The following RIPOR2 variants were observed in gnomAD, a reference collection of about 807,000 sequenced individuals.
RIPOR2 encodes rho family-interacting cell polarization regulator 2.
Under a neutral mutation model 114.5 loss-of-function variants are expected in RIPOR2, and 39 were observed. The observed-to-expected ratio is 0.34, with a 90% CI of 0.26 to 0.44. The LOEUF (loss-of-function observed/expected upper bound fraction) is 0.44. RIPOR2 is among the 20% of genes least tolerant of loss of function. The probability of loss-of-function intolerance (pLI) is 1.00; values close to 1 mark genes in which losing one functional copy is unlikely to be tolerated. For synonymous variants in RIPOR2, 445 were observed against 484.4 expected (o/e 0.92, Z 1.07); for missense variants, 1,007 against 1,255.1 (o/e 0.80, Z 2.99).
At position 24,865,208 on chromosome 6, in the gene RIPOR2, G is replaced by A. The variant is rs865959518; in HGVS notation, c.651+93C>T. 1.1e-4 allele frequency: 114 copies of A among 1,047,532 alleles called. No homozygotes were observed. In the African/African-American group the frequency reaches 1.5e-3, roughly 14 times the overall value. 64.9% of individuals were successfully genotyped at this position (1,047,532 alleles called of 1,614,324 possible). ...TCTTTCTAGAGGGTGGAATGAGGTT[G>A]TGGGTTGCTGTTTGCCTTGTTCTTG... is the stretch of plus-strand genomic sequence containing the variant. On this transcript the variant is annotated intron_variant, in intron 7 of 21. Coordinates refer to ENST00000643898, the MANE Select transcript of RIPOR2 (RefSeq NM_001286445.3).
chr6:24,847,825 T>G, intron 12 of RIPOR2, 200 bp downstream of exon 12: 3 of 1,159,940 alleles, frequency 2.6e-6, no homozygotes, highest in East Asian at 5.2e-5. Context: ...AAGGCTGATC[T>G]TAGAGAATGT....
At chr6:24,840,387 C>T in intron 13 of RIPOR2, 1 of 1,161,296 alleles carries the variant, frequency 8.6e-7, no homozygotes, top group Non-Finnish European at 1.1e-6. Context: ...ATCATGGGAG[C>T]AATCCCATTC....
At chr6:24,852,639 G>T (rs1763075131) in intron 8 of RIPOR2, 21 bp from the exon 9 acceptor site, 4 of 1,579,164 alleles carry the variant, frequency 2.5e-6, no homozygotes, top group Non-Finnish European at 3.4e-6. Context: ...GAAATTGGAA[G>T]GTGAGGTGTA....
chr6:24,877,743 C>T (rs1429510101), intron 1 of RIPOR2, among the ~76,000 whole-genome samples: 1 of 152,114 alleles, frequency 6.6e-6, no homozygotes, highest in African/African-American at 2.4e-5. Flanking sequence ...TGAGACCACA[C>T]TTGGACAGGG....
At chr6:24,949,432 T>C (rs1012573264) in intron 1 of RIPOR2, among the ~76,000 whole-genome samples, 6 of 152,174 alleles carry the variant, frequency 3.9e-5, no homozygotes, top group Admixed American at 1.3e-4. Flanking sequence ...TCCTTGCAAA[T>C]TCAGCAGTAG....
chr6:25,024,237 A>T, intron 1 of RIPOR2: 1 of 1,525,716 alleles, frequency 6.6e-7, no homozygotes, highest in Middle Eastern at 2.3e-4. Flanking sequence ...GTCCTCATAC[A>T]GTGTGCTGGA....
chr6:24,854,339 A>G (rs1763239581), intron 8 of RIPOR2, among the ~76,000 whole-genome samples: 1 of 152,238 alleles, frequency 6.6e-6, no homozygotes, highest in Non-Finnish European at 1.5e-5. Context: ...GTTTCACCAC[A>G]GTAAAATGAA....
chr6:24,964,988 G>A (rs1172745513), intron 1 of RIPOR2, among the ~76,000 whole-genome samples: 3 of 151,816 alleles, frequency 2.0e-5, no homozygotes, highest in South Asian at 2.1e-4. Flanking sequence ...GGGTTTTTAC[G>A]TTCTTATTTC....
At chr6:24,900,961 C>T (rs1346845954) in intron 1 of RIPOR2, among the ~76,000 whole-genome samples, 1 of 152,132 alleles carries the variant, frequency 6.6e-6, no homozygotes, top group African/African-American at 2.4e-5. Context: ...ACTACAGGCA[C>T]AGACCACCAC....
intron 1 of RIPOR2, among the ~76,000 whole-genome samples, chr6:25,002,047 C>A (rs1226032407): frequency 3.9e-5 from 6 of 152,092 alleles, no homozygotes; most frequent in African/African-American, 1.4e-4. Flanking sequence ...TTCAGCTCTA[C>A]CATTGTAGTT....
At chr6:24,912,465 C>G (rs1489588157) in intron 1 of RIPOR2, among the ~76,000 whole-genome samples, 8 of 110,380 alleles carry the variant, frequency 7.2e-5, no homozygotes, top group African/African-American at 4.2e-4. Context: ...CTTGCCCCCC[C>G]CCTTTTTTTT....
Position 24,849,959 on chromosome 6 carries a change from G to A in RIPOR2, c.886-9C>T. 2 of 1,612,008 alleles carry A rather than the reference G, an allele frequency of 1.2e-6. No homozygotes were observed. The highest frequency in any genetic ancestry group is 1.7e-6 in the Non-Finnish European group (2 of 1,178,538). The stretch of plus-strand genomic sequence containing the variant: ...CCTTTGAGCTCCGTGACCTAGCAGA[G>A]AGAGTGGGAGAGAATAGGCCTTACA... On this transcript the variant is annotated splice_polypyrimidine_tract_variant and intron_variant, in intron 10 of 21. Coordinates refer to ENST00000643898, the MANE Select transcript of RIPOR2 (RefSeq NM_001286445.3).
At chr6:24,806,513 A>G in intron 21 of RIPOR2, 40 bp from the exon 22 acceptor site, 1 of 1,390,402 alleles carries the variant, frequency 7.2e-7, no homozygotes, top group South Asian at 1.3e-5. Context: ...AATTCAAACA[A>G]CGTTTTTATT....
At chr6:24,896,671 A>G (rs911383184) in intron 1 of RIPOR2, among the ~76,000 whole-genome samples, 4 of 152,118 alleles carry the variant, frequency 2.6e-5, no homozygotes, top group Non-Finnish European at 5.9e-5. Context: ...TTGGGAGGCC[A>G]AGGTAGGTGA....
chr6:25,004,242 T>C (rs191925090), intron 1 of RIPOR2, among the ~76,000 whole-genome samples: 212 of 152,204 alleles, frequency 1.4e-3, no homozygotes, highest in African/African-American at 5.0e-3. Context: ...GAATAACTCA[T>C]AGGATCCGAT....
intron 1 of RIPOR2, among the ~76,000 whole-genome samples, chr6:24,954,258 C>T (rs1772923845): frequency 6.6e-6 from 1 of 152,124 alleles, no homozygotes; most frequent in African/African-American, 2.4e-5. Context: ...TTTCTCTTAT[C>T]GCTAGTCAGT....
At chr6:24,832,990 A>C (rs1245587246) in intron 15 of RIPOR2, among the ~76,000 whole-genome samples, 1 of 152,222 alleles carries the variant, frequency 6.6e-6, no homozygotes. Context: ...CTGATGAGAA[A>C]ATTGAGGCAC....
chr6:24,848,504 AC>A (rs1297464738), intron 11 of RIPOR2, among the ~76,000 whole-genome samples: 1 of 152,200 alleles, frequency 6.6e-6, no homozygotes, highest in African/African-American at 2.4e-5. Flanking sequence ...AATTATCTGA[AC>A]TTTGCGGGGC....
intron 1 of RIPOR2, among the ~76,000 whole-genome samples, chr6:25,004,648 G>T (rs908024655): frequency 5.3e-5 from 8 of 152,138 alleles, no homozygotes; most frequent in African/African-American, 1.9e-4. Context: ...GGCTGCTGAG[G>T]GACTATTTGT....
Sources: gnomAD v4.1 joint callset for allele counts (sites outside exome capture counted in the v4.1 genomes callset) on GRCh38, gnomAD v4.1.1 for gene constraint, MANE v1.5 for transcripts, NCBI Gene and HGNC (gene_info 2026-07-23, HGNC 2026-07-21) for gene names.